Variants in SPOCK1 observed in about 807,000 individuals in gnomAD.
SPOCK1 encodes testican-1.
SPOCK1 carries 23 observed loss-of-function variants against 55.3 expected under a neutral mutation model. The ratio of observed to expected loss-of-function variants is 0.42; its 90% confidence interval spans 0.30 to 0.59. The LOEUF is 0.59. SPOCK1 is among the 20% of genes least tolerant of loss of function. The pLI is 0.22. For synonymous variants in SPOCK1, 226 were observed against 221.0 expected, an observed-to-expected ratio of 1.02 and a Z score of -0.20; for missense variants, 499 against 552.5, an observed-to-expected ratio of 0.90 and a Z score of 0.97.
chr5:137,258,077 T>C (rs1756671885), intron 3 of SPOCK1, among the ~76,000 whole-genome samples: 1 of 152,242 alleles, frequency 6.6e-6, no homozygotes, highest in Non-Finnish European at 1.5e-5. Context: ...CAGTACTCTA[T>C]CTCCTGCCAA....
At chr5:137,076,273 C>T (rs1752758268) in intron 5 of SPOCK1, among the ~76,000 whole-genome samples, 5 of 152,206 alleles carry the variant, frequency 3.3e-5, no homozygotes, top group Admixed American at 3.3e-4. Flanking sequence ...TCTCTCATTG[C>T]ACTCACCACT....
intron 6 of SPOCK1, among the ~76,000 whole-genome samples, chr5:137,023,154 G>A (rs537604912): frequency 2.0e-5 from 3 of 152,168 alleles, no homozygotes; most frequent in Non-Finnish European, 2.9e-5. Context: ...TCTTAAGAAT[G>A]GGACTAAGAA....
chr5:137,419,279 T>C (rs1309464972), intron 2 of SPOCK1, among the ~76,000 whole-genome samples: 1 of 152,242 alleles, frequency 6.6e-6, no homozygotes, highest in Non-Finnish European at 1.5e-5. Context: ...GACTTGGAAA[T>C]GCAGGCTCTT....
intron 4 of SPOCK1, among the ~76,000 whole-genome samples, chr5:137,126,968 T>G (rs1753793092): frequency 6.6e-6 from 1 of 152,154 alleles, no homozygotes; most frequent in Admixed American, 6.5e-5. Flanking sequence ...GATGAGATTG[T>G]TCATCAACAG....
chr5:137,424,731 A>C (rs1037684059), intron 2 of SPOCK1, among the ~76,000 whole-genome samples: 8 of 152,238 alleles, frequency 5.3e-5, no homozygotes, highest in Non-Finnish European at 7.3e-5. Context: ...TAAGGGAAAG[A>C]AGCCAGACAC....
intron 4 of SPOCK1, among the ~76,000 whole-genome samples, chr5:137,139,992 T>A (rs1354645531): frequency 6.6e-6 from 1 of 152,086 alleles, no homozygotes; most frequent in Non-Finnish European, 1.5e-5. Flanking sequence ...CTGAAGAAGA[T>A]GGGGGATACT....
chr5:137,178,195 T>C (rs1360371144), intron 3 of SPOCK1, among the ~76,000 whole-genome samples: 1 of 152,200 alleles, frequency 6.6e-6, no homozygotes, highest in Non-Finnish European at 1.5e-5. Flanking sequence ...AATACATTTG[T>C]TTGGTTATTT....
At position 137,303,439 on chromosome 5, in the gene SPOCK1, G is replaced by T. The variant is rs1182765985; in HGVS notation, c.187-36384C>A. 2.0e-5 allele frequency among the ~76,000 whole-genome samples: 3 copies of T among 152,110 alleles called. No homozygotes were observed. The South Asian group carries it at 6.2e-4, about 32-fold the overall frequency. ...CTGTAGCCTTAACTCAGAGCTCAGT[G>T]AAGATAAGTAATCTTCACACATAGA... On this transcript the variant is annotated intron_variant, in intron 2 of 10. Transcript: ENST00000394945.
intron 3 of SPOCK1, among the ~76,000 whole-genome samples, chr5:137,251,033 T>A (rs1756514495): frequency 6.6e-6 from 1 of 152,168 alleles, no homozygotes; most frequent in South Asian, 2.1e-4. Context: ...TGAGCTTGCA[T>A]CAGAATCAAC....
intron 2 of SPOCK1, 91 bp downstream of exon 2, chr5:137,498,279 CACA>C: frequency 8.2e-7 from 1 of 1,220,100 alleles, no homozygotes; most frequent in Non-Finnish European, 1.1e-6. Flanking sequence ...CACACACACA[CACA>C]CACACACACA....
chr5:137,198,233 T>C lies in SPOCK1; in HGVS notation c.233-57539A>G, dbSNP rs554172233. On this transcript the variant is annotated intron_variant, in intron 3 of 10. Transcript: ENST00000394945. ...GTTCACCAACAAATGTTTCATTAAA[T>C]GTTGGTTTTATAAATAATGCTGCAA... Among the ~76,000 whole-genome samples the C allele has an allele frequency of 4.6e-5, 7 of 152,374 alleles. No individual in the cohort carries two copies. The South Asian group carries it at 1.2e-3, about 27-fold the overall frequency.
chr5:137,294,351 CT>C (rs1757435748), intron 2 of SPOCK1, among the ~76,000 whole-genome samples: 1 of 152,146 alleles, frequency 6.6e-6, no homozygotes, highest in African/African-American at 2.4e-5. Flanking sequence ...CATTATAAGT[CT>C]CTCAAAAACC....
intron 2 of SPOCK1, among the ~76,000 whole-genome samples, chr5:137,289,809 T>C (rs189029278): frequency 2.6e-5 from 4 of 152,268 alleles, no homozygotes; most frequent in East Asian, 1.9e-4. Flanking sequence ...ATAGAACTTA[T>C]ACCAATCAAT....
chr5:137,157,836 G>A (rs1448126327), intron 3 of SPOCK1, among the ~76,000 whole-genome samples: 3 of 152,352 alleles, frequency 2.0e-5, no homozygotes, highest in Non-Finnish European at 4.4e-5. Flanking sequence ...GAGGCAGGCA[G>A]ATCACCTGAG....
chr5:137,113,964 T>A (rs1227389873), intron 4 of SPOCK1, among the ~76,000 whole-genome samples: 1 of 152,194 alleles, frequency 6.6e-6, no homozygotes, highest in African/African-American at 2.4e-5. Context: ...GAAAGAAAGA[T>A]GCATAAAGCC....
At chr5:137,339,459 C>T (rs959546547) in intron 2 of SPOCK1, among the ~76,000 whole-genome samples, 25 of 152,198 alleles carry the variant, frequency 1.6e-4, no homozygotes, top group Non-Finnish European at 7.3e-5. Flanking sequence ...CCAGCTCACC[C>T]CATGAGGACA....
intron 2 of SPOCK1, among the ~76,000 whole-genome samples, chr5:137,374,411 T>C (rs1301761499): frequency 6.6e-6 from 1 of 152,068 alleles, no homozygotes; most frequent in African/African-American, 2.4e-5. Flanking sequence ...CTCTAGGAGG[T>C]CCAGTTCCAC....
chr5:137,097,540 G>T lies in SPOCK1; in HGVS notation c.474+14895C>A, dbSNP rs568249244. Among the ~76,000 whole-genome samples the T allele has an allele frequency of 4.4e-4, 67 of 152,286 alleles. 1 individual carries two copies. Among genetic ancestry groups the T allele is most frequent in the African/African-American group, 1.6e-3 (66 of 41,546 alleles). On this transcript the variant is annotated intron_variant, in intron 5 of 10. Transcript: ENST00000394945. ...TGTCAGAGGAGCTGAGCAAGCATTG[G>T]ACAAATGGATATATGGTGGAATGGG...
intron 2 of SPOCK1, among the ~76,000 whole-genome samples, chr5:137,324,531 A>T (rs1311785030): frequency 2.0e-5 from 3 of 152,202 alleles, no homozygotes; most frequent in Admixed American, 2.0e-4. Context: ...AAAAGAGGAG[A>T]TACTGCATCA....
Sources: allele counts gnomAD v4.1 joint callset (sites outside exome capture counted in the v4.1 genomes callset), GRCh38; gene constraint gnomAD v4.1.1; transcripts MANE v1.5; gene names NCBI Gene and HGNC (gene_info 2026-07-23, HGNC 2026-07-21).